ATAD2B: variants seen among roughly 807,000 people sequenced by gnomAD.
ATAD2B encodes ATPase family AAA domain-containing protein 2B.
A neutral mutation model predicts 167.6 loss-of-function variants in ATAD2B; 40 were observed. The observed-to-expected ratio is 0.24, with a 90% CI of 0.19 to 0.31. The LOEUF (loss-of-function observed/expected upper bound fraction) is 0.31, where lower values mean the gene tolerates loss of function less well. Among genes scored for constraint, ATAD2B ranks in the 10% least tolerant of loss-of-function variants. The pLI is 1.00. For missense variants in ATAD2B, 1,242 were observed against 1,757.2 expected (o/e 0.71, Z 5.24); for synonymous variants, 579 against 596.5 (o/e 0.97, Z 0.43).
In ATAD2B at chr2:23,768,262, A is replaced by T. The variant is rs559110255; in HGVS notation, c.3134-2634T>A. ...ATAAAGATAATCAATGGGCCAGGGG[A>T]AGTGATCGTGCCCGTAGTCAAAGCA... On this transcript the variant is annotated intron_variant, in intron 22 of 27. Transcript: ENST00000238789. Among the ~76,000 whole-genome samples the T allele has an allele frequency of 1.4e-4, 22 of 152,182 alleles. No individual in the cohort carries two copies. The East Asian group carries it at 4.3e-3, about 29-fold the overall frequency.
At chr2:23,872,568 C>T (rs1321884180) in intron 8 of ATAD2B, 2 of 1,147,862 alleles carry the variant, frequency 1.7e-6, no homozygotes, top group Admixed American at 1.7e-5. Flanking sequence ...GGTAGCTGAT[C>T]CTCCGTGAGG....
At chr2:23,883,136 C>T (rs567294819) in intron 6 of ATAD2B, among the ~76,000 whole-genome samples, 5 of 151,746 alleles carry the variant, frequency 3.3e-5, no homozygotes, top group Non-Finnish European at 5.9e-5. Context: ...AAGATTTAGC[C>T]GAGCATGATG....
chr2:23,921,800 T>C (rs1703967769), intron 1 of ATAD2B, among the ~76,000 whole-genome samples: 1 of 152,204 alleles, frequency 6.6e-6, no homozygotes, highest in Non-Finnish European at 1.5e-5. Flanking sequence ...GGAGTACCTA[T>C]ATTGTACTCC....
intron 22 of ATAD2B, among the ~76,000 whole-genome samples, chr2:23,771,978 C>T (rs1678393156): frequency 6.6e-6 from 1 of 152,312 alleles, no homozygotes; most frequent in Admixed American, 6.5e-5. Context: ...CCAGAATATG[C>T]CTGGGCTGCT....
chr2:23,693,485 C>A, the ATAD2B span: 1 of 1,551,678 alleles, frequency 6.4e-7, no homozygotes, highest in Non-Finnish European at 8.7e-7. Flanking sequence ...GTGTACGAGA[C>A]AGTCATCAAG....
downstream of ATAD2B, among the ~76,000 whole-genome samples, chr2:23,745,871 G>C (rs1674851412): frequency 6.6e-6 from 1 of 152,222 alleles, no homozygotes; most frequent in Non-Finnish European, 1.5e-5. Context: ...GTCTTCAGCT[G>C]TTAACTCCCT....
At chr2:23,740,229 C>T in the ATAD2B span, among the ~76,000 whole-genome samples, 1 of 152,190 alleles carries the variant, frequency 6.6e-6, no homozygotes, top group African/African-American at 2.4e-5. Context: ...GATACCAAAG[C>T]CTGACAGAGA....
chr2:23,749,779 C>T lies in ATAD2B; in HGVS notation c.*2267G>A, dbSNP rs1024414430. On this transcript the variant is annotated 3_prime_UTR_variant, in exon 28 of 28. Coordinates refer to ENST00000238789, the MANE Select transcript of ATAD2B (RefSeq NM_017552.4). ...AGCATTTTAATGCTGAAAATAAATA[C>T]ATTTCCCTTTTCAAACTCACTGATG... The T allele has an allele frequency of 3.3e-5, 5 of 152,102 alleles. No homozygotes were observed. Among genetic ancestry groups the T allele is most frequent in the Non-Finnish European group, 7.4e-5 (5 of 67,990 alleles). 9.4% of individuals were successfully genotyped at this position (152,102 alleles called of 1,614,324 possible). A position where few individuals can be genotyped will look rare whatever the true frequency, so the allele number is the denominator to read the frequency against.
chr2:23,845,570 ATTTTT>A (rs71402518), intron 13 of ATAD2B, among the ~76,000 whole-genome samples: 4 of 87,646 alleles, frequency 4.6e-5, no homozygotes, highest in Non-Finnish European at 6.3e-5. Context: ...GCATGCTGGA[ATTTTT>A]TTTTTTTTTT....
chr2:23,781,682 C>A (rs1398038395), intron 22 of ATAD2B, among the ~76,000 whole-genome samples: 1 of 150,894 alleles, frequency 6.6e-6, no homozygotes, highest in Admixed American at 6.6e-5. Flanking sequence ...TAAAAATAAA[C>A]AATAATAGCC....
intron 18 of ATAD2B, among the ~76,000 whole-genome samples, chr2:23,807,181 T>C (rs1684529184): frequency 6.6e-6 from 1 of 152,036 alleles, no homozygotes; most frequent in Non-Finnish European, 1.5e-5. Context: ...GAGTAAGAGG[T>C]GATGAGAATA....
At chr2:23,880,877 G>C (rs1047722900) in intron 6 of ATAD2B, 122 bp from the exon 7 acceptor site, 1 of 639,078 alleles carries the variant, frequency 1.6e-6, no homozygotes, top group African/African-American at 1.9e-5. Flanking sequence ...TGACATTTAA[G>C]TGCCAACATA....
At chr2:23,877,821 G>A (rs1460039722) in intron 7 of ATAD2B, among the ~76,000 whole-genome samples, 1 of 150,450 alleles carries the variant, frequency 6.6e-6, no homozygotes, top group Non-Finnish European at 1.5e-5. Flanking sequence ...CAGCACCACT[G>A]CACTCCAGCC....
At chr2:23,712,952 A>ACCG in the ATAD2B span, among the ~76,000 whole-genome samples, 2 of 151,970 alleles carry the variant, frequency 1.3e-5, no homozygotes, top group Non-Finnish European at 2.9e-5. Context: ...ACCTCCCACC[A>ACCG]TGGGCCGCCT....
Position 23,926,825 on chromosome 2 carries a change from G to GGCCC in ATAD2B, c.-59_-56dup. 1 of 1,452,610 alleles carries GGCCC rather than the reference G, an allele frequency of 6.9e-7. No homozygotes were observed. Among genetic ancestry groups the GGCCC allele is most frequent in the Non-Finnish European group, 9.1e-7 (1 of 1,103,602 alleles). 90.0% of individuals were successfully genotyped at this position (1,452,610 alleles called of 1,614,324 possible). ...GCGCCCGGGAGAGCCGAGCAAGGCC[G>GGCCC]GCCCGCCGGCCGGTCAGTCAGGGCC... On this transcript the variant is annotated 5_prime_UTR_variant, in exon 1 of 28. Coordinates refer to ENST00000238789, the MANE Select transcript of ATAD2B (RefSeq NM_017552.4).
At chr2:23,702,285 C>T in the ATAD2B span, among the ~76,000 whole-genome samples, 8 of 152,164 alleles carry the variant, frequency 5.3e-5, no homozygotes, top group African/African-American at 1.9e-4. Context: ...CATAGTTCAG[C>T]CAGCTTACCT....
intron 27 of ATAD2B, among the ~76,000 whole-genome samples, chr2:23,753,665 G>A (rs552559175): frequency 2.6e-5 from 4 of 152,214 alleles, no homozygotes; most frequent in South Asian, 2.1e-4. Context: ...AAGGACAGTC[G>A]CTCCTTCATA....
chr2:23,868,648 T>C (rs1695492846), intron 9 of ATAD2B, among the ~76,000 whole-genome samples: 1 of 152,202 alleles, frequency 6.6e-6, no homozygotes, highest in Non-Finnish European at 1.5e-5. Context: ...GAAAAAATTG[T>C]CTTTCCATTT....
chr2:23,696,009 C>G, the ATAD2B span: 1 of 1,551,570 alleles, frequency 6.4e-7, no homozygotes, highest in Non-Finnish European at 8.7e-7. The surrounding 1 kb of genome is among the most constrained non-coding windows in gnomAD (Gnocchi z 5.5). Context: ...TGACCCAGCG[C>G]TCGCTGGTGG....
Sources: gnomAD v4.1 joint callset for allele counts (sites outside exome capture counted in the v4.1 genomes callset) on GRCh38, gnomAD v4.1.1 for gene constraint, Gnocchi (gnomAD v3.1) non-coding constraint, MANE v1.5 for transcripts, NCBI Gene and HGNC (gene_info 2026-07-23, HGNC 2026-07-21) for gene names.